PTPRD: variants seen among roughly 807,000 people sequenced by gnomAD.
PTPRD encodes protein tyrosine phosphatase receptor type D, also known as receptor-type tyrosine-protein phosphatase delta.
PTPRD carries 34 observed loss-of-function variants against 214.5 expected under a neutral mutation model. The ratio of observed to expected loss-of-function variants is 0.16; its 90% confidence interval spans 0.12 to 0.21. The LOEUF (loss-of-function observed/expected upper bound fraction) is 0.21, where lower values mean the gene tolerates loss of function less well. Ranked by LOEUF, PTPRD falls within the 10% of genes least tolerant of loss-of-function variation. The probability of loss-of-function intolerance (pLI) is 1.00; values close to 1 mark genes in which losing one functional copy is unlikely to be tolerated. For synonymous variants in PTPRD, 1,128 were observed against 845.7 expected, an observed-to-expected ratio of 1.33 and a Z score of -5.79; for missense variants, 2,545 against 2,398.7, an observed-to-expected ratio of 1.06 and a Z score of -1.27.
chr9:9,531,096 T>G (rs1032448920), intron 8 of PTPRD, among the ~76,000 whole-genome samples: 1 of 152,192 alleles, frequency 6.6e-6, no homozygotes. Context: ...CCAAATGCCT[T>G]GACTTCATCC....
chr9:10,003,875 G>A lies in PTPRD; in HGVS notation c.-472+29843C>T, dbSNP rs1210653807. On this transcript the variant is annotated intron_variant, in intron 4 of 45. Coordinates refer to ENST00000381196, the MANE Select transcript of PTPRD (RefSeq NM_002839.4). ...CCTAATGGCCAAATTTTAAAAAGCC[G>A]ACATACCCGATTTATTTGCTTACAG... Among the ~76,000 whole-genome samples the A allele has an allele frequency of 6.6e-5, 10 of 151,426 alleles. No homozygotes were observed. The East Asian group carries it at 1.4e-3, about 21-fold the overall frequency.
intron 12 of PTPRD, among the ~76,000 whole-genome samples, chr9:8,710,433 T>C (rs1318442328): frequency 6.6e-6 from 1 of 151,970 alleles, no homozygotes; most frequent in Non-Finnish European, 1.5e-5. Context: ...CTGGGCAACA[T>C]GGCAAAACCC....
intron 3 of PTPRD, among the ~76,000 whole-genome samples, chr9:10,094,411 A>C (rs1177369460): frequency 6.6e-6 from 1 of 151,338 alleles, no homozygotes; most frequent in Admixed American, 6.6e-5. Context: ...AGGCATTGAA[A>C]ATCAATTCCA....
At chr9:9,001,470 C>T (rs906277293) in intron 11 of PTPRD, among the ~76,000 whole-genome samples, 1 of 152,012 alleles carries the variant, frequency 6.6e-6, no homozygotes, top group Non-Finnish European at 1.5e-5. Context: ...AGGAAGCTTG[C>T]TTCAGGTAAA....
chr9:9,003,484 A>T (rs2099432995), intron 11 of PTPRD, among the ~76,000 whole-genome samples: 2 of 152,036 alleles, frequency 1.3e-5, no homozygotes, highest in Admixed American at 1.3e-4. Context: ...ATGGTTTTAG[A>T]AATACAGACT....
chr9:8,470,399 T>C (rs1189612818), intron 31 of PTPRD, among the ~76,000 whole-genome samples: 1 of 152,166 alleles, frequency 6.6e-6, no homozygotes, highest in Non-Finnish European at 1.5e-5. Flanking sequence ...ATCCACGTTA[T>C]ATATTTAGTA....
At chr9:9,244,605 A>T (rs371533389) in intron 9 of PTPRD, among the ~76,000 whole-genome samples, 3 of 152,064 alleles carry the variant, frequency 2.0e-5, no homozygotes, top group Non-Finnish European at 2.9e-5. Flanking sequence ...TGAAACTGGA[A>T]CCCTTCCTTA....
At chr9:9,639,086 T>C (rs150204342) in intron 7 of PTPRD, among the ~76,000 whole-genome samples, 361 of 152,306 alleles carry the variant, frequency 2.4e-3, no homozygotes, top group Non-Finnish European at 4.0e-3. Flanking sequence ...ATTCAAACCA[T>C]AGCAAATCTC....
intron 35 of PTPRD, among the ~76,000 whole-genome samples, chr9:8,426,623 G>C (rs1321372045): frequency 1.3e-5 from 2 of 152,068 alleles, no homozygotes; most frequent in South Asian, 4.1e-4. Flanking sequence ...GAACTTGTAT[G>C]AGAACAACGA....
At chr9:8,935,865 T>A (rs1194920833) in intron 11 of PTPRD, among the ~76,000 whole-genome samples, 1 of 152,208 alleles carries the variant, frequency 6.6e-6, no homozygotes, top group African/African-American at 2.4e-5. Context: ...CTTTTGGGGT[T>A]ACATCACCAA....
chr9:9,480,083 G>A (rs2095338353), intron 8 of PTPRD, among the ~76,000 whole-genome samples: 1 of 152,108 alleles, frequency 6.6e-6, no homozygotes, highest in African/African-American at 2.4e-5. Flanking sequence ...TATCAAAAAT[G>A]CCATGAAAAT....
At chr9:9,591,946 G>C (rs79083555) in intron 7 of PTPRD, among the ~76,000 whole-genome samples, 1 of 151,844 alleles carries the variant, frequency 6.6e-6, no homozygotes, top group Non-Finnish European at 1.5e-5. Flanking sequence ...CCCAATCACC[G>C]GTCTCTCTCC....
At chr9:10,459,305 G>C (rs376201389) in intron 2 of PTPRD, among the ~76,000 whole-genome samples, 1 of 152,106 alleles carries the variant, frequency 6.6e-6, no homozygotes, top group African/African-American at 2.4e-5. Context: ...TTATTGATGG[G>C]CATTTGGGTT....
chr9:8,531,475 G>C (rs569568182), intron 14 of PTPRD, among the ~76,000 whole-genome samples: 117 of 152,102 alleles, frequency 7.7e-4, no homozygotes, highest in African/African-American at 2.5e-3. Context: ...TGCTTCAAAG[G>C]ATAAAAGTAA....
chr9:9,244,540 G>C (rs1229511837), intron 9 of PTPRD, among the ~76,000 whole-genome samples: 3 of 152,138 alleles, frequency 2.0e-5, no homozygotes, highest in African/African-American at 7.2e-5. Context: ...ATGGGGAAAG[G>C]ATTCCCTATT....
chr9:8,728,691 A>G (rs905623497), intron 12 of PTPRD, among the ~76,000 whole-genome samples: 1 of 152,216 alleles, frequency 6.6e-6, no homozygotes, highest in Non-Finnish European at 1.5e-5. Flanking sequence ...CTTTAAAAAA[A>G]TGTTTTTGGC....
At chr9:8,508,127 C>A (rs556246400) in intron 21 of PTPRD, among the ~76,000 whole-genome samples, 1 of 152,108 alleles carries the variant, frequency 6.6e-6, no homozygotes, top group African/African-American at 2.4e-5. Context: ...TAAACTACTA[C>A]AAAAATTAAG....
At chr9:8,857,472 A>G (rs966120988) in intron 11 of PTPRD, among the ~76,000 whole-genome samples, 10 of 152,154 alleles carry the variant, frequency 6.6e-5, no homozygotes, top group Admixed American at 6.5e-4. Context: ...GGAGGTCCAG[A>G]GGAGCAAACT....
chr9:8,759,206 G>A (rs919406254), intron 11 of PTPRD, among the ~76,000 whole-genome samples: 6 of 151,900 alleles, frequency 3.9e-5, no homozygotes, highest in Admixed American at 3.9e-4. Flanking sequence ...ATTTTTTGTA[G>A]AGATAAGGTT....
Sources: allele counts gnomAD v4.1 joint callset (sites outside exome capture counted in the v4.1 genomes callset), GRCh38; gene constraint gnomAD v4.1.1; transcripts MANE v1.5; gene names NCBI Gene and HGNC (gene_info 2026-07-23, HGNC 2026-07-21).